The following AKAIN1 variants were observed in gnomAD, a reference collection of about 807,000 sequenced individuals.
AKAIN1 encodes A-kinase anchor inhibitor 1, also known as A-kinase anchor protein inhibitor 1.
AKAIN1 carries 3 observed loss-of-function variants against 3.7 expected under a neutral mutation model. The ratio of observed to expected loss-of-function variants is 0.82; its 90% CI spans 0.37 to 2.12. AKAIN1 has a LOEUF of 2.12. Ranked by LOEUF, AKAIN1 falls within the 30% of genes most tolerant of loss-of-function variation. AKAIN1 has a pLI of 0.06. For missense variants in AKAIN1, 82 were observed against 82.7 expected (o/e 0.99, Z 0.03); for synonymous variants, 31 against 30.8 (o/e 1.01, Z -0.02).
intron 1 of AKAIN1, among the ~76,000 whole-genome samples, chr18:5,169,166 G>T (rs1013355449): frequency 6.6e-6 from 1 of 152,006 alleles, no homozygotes; most frequent in Non-Finnish European, 1.5e-5. Flanking sequence ...GTCTTAAAGA[G>T]AATCTTCTTT....
intron 1 of AKAIN1, among the ~76,000 whole-genome samples, chr18:5,172,008 C>T (rs2071200527): frequency 6.6e-6 from 1 of 152,008 alleles, no homozygotes; most frequent in Non-Finnish European, 1.5e-5. Flanking sequence ...ACTATTCAGC[C>T]ATAAAAAAGA....
At chr18:5,158,632 G>T (rs1196609845) in intron 1 of AKAIN1, among the ~76,000 whole-genome samples, 3 of 152,112 alleles carry the variant, frequency 2.0e-5, no homozygotes, top group Non-Finnish European at 4.4e-5. Context: ...TTTTCAGTTG[G>T]GTCCAGTGAT....
At chr18:5,183,184 A>G (rs2071268698) in intron 1 of AKAIN1, among the ~76,000 whole-genome samples, 1 of 152,110 alleles carries the variant, frequency 6.6e-6, no homozygotes, top group African/African-American at 2.4e-5. Flanking sequence ...TTTTTTAAAA[A>G]TGATACATAA....
At chr18:5,195,081 G>T (rs2071340172) in intron 1 of AKAIN1, among the ~76,000 whole-genome samples, 1 of 152,006 alleles carries the variant, frequency 6.6e-6, no homozygotes, top group African/African-American at 2.4e-5. Context: ...AGTATTTTTA[G>T]CATCCTGTTC....
At chr18:5,184,841 T>C (rs992099339) in intron 1 of AKAIN1, among the ~76,000 whole-genome samples, 2 of 152,054 alleles carry the variant, frequency 1.3e-5, no homozygotes, top group Non-Finnish European at 2.9e-5. Context: ...AGAAAAAAAC[T>C]ATTTTAAAAC....
chr18:5,150,730 C>T (rs571243666), intron 1 of AKAIN1, among the ~76,000 whole-genome samples: 6 of 152,290 alleles, frequency 3.9e-5, no homozygotes, highest in Admixed American at 2.6e-4. Context: ...GCCCCATATC[C>T]CATTCATGCC....
intron 1 of AKAIN1, among the ~76,000 whole-genome samples, chr18:5,151,510 C>T (rs1369611832): frequency 6.6e-6 from 1 of 152,174 alleles, no homozygotes; most frequent in African/African-American, 2.4e-5. Context: ...CATGCTATTC[C>T]CCTGTGCACC....
intron 1 of AKAIN1, among the ~76,000 whole-genome samples, chr18:5,192,427 TTC>T (rs1567881006): frequency 6.7e-5 from 8 of 119,628 alleles, no homozygotes; most frequent in Non-Finnish European, 1.5e-4. Flanking sequence ...CTTTCTTTCT[TTC>T]TTTCTTTCTT....
At chr18:5,197,540 G>T, upstream of AKAIN1, 1 of 1,094,314 alleles carries the variant, frequency 9.1e-7, no homozygotes, top group Non-Finnish European at 1.1e-6. This position sits in a 1 kb window ranked among gnomAD's most constrained non-coding sequence, Gnocchi z 6.9. Context: ...CTTTACTCTC[G>T]AGGATGACTC....
chr18:5,176,754 T>G (rs1024602278), intron 1 of AKAIN1, among the ~76,000 whole-genome samples: 1 of 152,148 alleles, frequency 6.6e-6, no homozygotes, highest in Non-Finnish European at 1.5e-5. Context: ...CAAGCAACTT[T>G]AAGAAAAAAC....
intron 1 of AKAIN1, among the ~76,000 whole-genome samples, chr18:5,160,490 A>G (rs1316656312): frequency 6.6e-6 from 1 of 152,124 alleles, no homozygotes; most frequent in African/African-American, 2.4e-5. Context: ...TGTGCAGCAG[A>G]TACTTCTATG....
chr18:5,190,345 A>G lies in AKAIN1; in HGVS notation c.16+6693T>C, dbSNP rs537998546. Among the ~76,000 whole-genome samples, 7 of 152,318 alleles carry G rather than the reference A, an allele frequency of 4.6e-5. No individual in the cohort carries two copies. The East Asian group carries it at 7.7e-4, about 17-fold the overall frequency. The stretch of plus-strand genomic sequence containing the variant: ...TATTAAATAGAAAAGAGAATATTAC[A>G]AACAACTGTATTCATGAAAATTCAA... On this transcript the variant is annotated intron_variant, in intron 1 of 1. Coordinates refer to ENST00000434239, the MANE Select transcript of AKAIN1 (RefSeq NM_001145194.2).
intron 1 of AKAIN1, among the ~76,000 whole-genome samples, chr18:5,146,197 G>C (rs1480565617): frequency 6.6e-6 from 1 of 152,156 alleles, no homozygotes; most frequent in African/African-American, 2.4e-5. Context: ...TAGAGAGACA[G>C]TTTCTAGAAA....
In AKAIN1 at chr18:5,172,157, G is replaced by A. The variant is rs2071201161; in HGVS notation, c.16+24881C>T. Among the ~76,000 whole-genome samples the A allele has an allele frequency of 2.0e-5, 3 of 152,214 alleles. No individual in the cohort carries two copies. The South Asian group carries it at 6.2e-4, about 32-fold the overall frequency. On this transcript the variant is annotated intron_variant, in intron 1 of 1. Transcript: ENST00000434239. Reference sequence around the variant, plus strand: ...TAAAAGTTAAAACAGTTGAACTCTTGGAGACAGAGAGTAGAATAATCATTA... The same window carrying A: ...TAAAAGTTAAAACAGTTGAACTCTTAGAGACAGAGAGTAGAATAATCATTA...
chr18:5,185,458 T>C (rs778524437), intron 1 of AKAIN1, among the ~76,000 whole-genome samples: 1 of 151,648 alleles, frequency 6.6e-6, no homozygotes, highest in Non-Finnish European at 1.5e-5. Context: ...CCAACAAAGG[T>C]CTAATATCCA....
At chr18:5,165,388 A>G (rs746235139) in intron 1 of AKAIN1, among the ~76,000 whole-genome samples, 11 of 152,016 alleles carry the variant, frequency 7.2e-5, no homozygotes, top group Non-Finnish European at 1.3e-4. Context: ...AGGTGTAAGA[A>G]AGAACAGCAA....
intron 1 of AKAIN1, among the ~76,000 whole-genome samples, chr18:5,189,614 G>T (rs2071307611): frequency 6.6e-6 from 1 of 152,094 alleles, no homozygotes; most frequent in South Asian, 2.1e-4. Flanking sequence ...TTATAACAAG[G>T]ATGGCCTTTA....
chr18:5,167,874 C>T (rs1187684271), intron 1 of AKAIN1, among the ~76,000 whole-genome samples: 1 of 151,994 alleles, frequency 6.6e-6, no homozygotes, highest in Non-Finnish European at 1.5e-5. Context: ...TTCTAAGTAA[C>T]CTTTATTGAA....
chr18:5,172,049 T>C (rs1290271639), intron 1 of AKAIN1, among the ~76,000 whole-genome samples: 3 of 152,180 alleles, frequency 2.0e-5, no homozygotes, highest in African/African-American at 7.2e-5. Flanking sequence ...ACAACATGGA[T>C]GGAACTGGAG....
Sources: gnomAD v4.1 joint callset for allele counts (sites outside exome capture counted in the v4.1 genomes callset) on GRCh38, gnomAD v4.1.1 for gene constraint, Gnocchi (gnomAD v3.1) non-coding constraint, MANE v1.5 for transcripts, NCBI Gene and HGNC (gene_info 2026-07-23, HGNC 2026-07-21) for gene names.